Variants in SAMSN1 observed in about 807,000 individuals in gnomAD.
SAMSN1 encodes SAM domain, SH3 domain and nuclear localization signals 1.
In SAMSN1, 31 loss-of-function variants were observed where a neutral mutation model predicts 42.0. The ratio of observed to expected loss-of-function variants is 0.74; its 90% CI spans 0.55 to 1.00. The LOEUF is 1.00. Ranked by LOEUF, SAMSN1 falls within the 50% of genes least tolerant of loss-of-function variation. The pLI, the probability that SAMSN1 is intolerant of heterozygous loss-of-function variation, is 0.00. For missense variants in SAMSN1, 464 were observed against 439.4 expected, an observed-to-expected ratio of 1.06 and a Z score of -0.50; for synonymous variants, 178 against 151.9, an observed-to-expected ratio of 1.17 and a Z score of -1.26.
At chr21:14,518,642 C>G (rs556028245) in intron 2 of SAMSN1, among the ~76,000 whole-genome samples, 1 of 152,074 alleles carries the variant, frequency 6.6e-6, no homozygotes, top group African/African-American at 2.4e-5. Context: ...AAAAGTTTAA[C>G]CACATAGTTA....
intron 1 of SAMSN1, among the ~76,000 whole-genome samples, chr21:14,536,798 A>G (rs1346379680): frequency 6.6e-6 from 1 of 152,222 alleles, no homozygotes; most frequent in Admixed American, 6.5e-5. Flanking sequence ...ACCAACTGGA[A>G]GCAAGAATGG....
intron 7 of SAMSN1, chr21:14,495,681 G>A (rs1320279659): frequency 6.6e-6 from 1 of 152,052 alleles, no homozygotes; most frequent in African/African-American, 2.4e-5. Flanking sequence ...ATAATTTCTG[G>A]GACATGTCCT....
chr21:14,606,091 C>T (rs1395551989), intron 5 of SAMSN1, among the ~76,000 whole-genome samples: 1 of 152,100 alleles, frequency 6.6e-6, no homozygotes, highest in Non-Finnish European at 1.5e-5. Context: ...CCGCCCGCCT[C>T]GGCTGCCCAA....
chr21:14,552,929 G>A (rs1031095224), intron 2 of SAMSN1, among the ~76,000 whole-genome samples: 5 of 151,444 alleles, frequency 3.3e-5, no homozygotes, highest in Non-Finnish European at 5.9e-5. Context: ...GTCATTTAAA[G>A]TTTTGCAAAT....
chr21:14,550,512 C>T (rs77386852), upstream of SAMSN1, among the ~76,000 whole-genome samples: 759 of 152,166 alleles, frequency 5.0e-3, 3 homozygotes, highest in African/African-American at 0.017. Context: ...TCCAACAAGA[C>T]GTGAAATCAA....
At chr21:14,597,795 G>T (rs1982315092) in intron 6 of SAMSN1, 1 of 152,128 alleles carries the variant, frequency 6.6e-6, no homozygotes, top group African/African-American at 2.4e-5. Context: ...TCCTTCATGT[G>T]TGCCTTTGCC....
intron 2 of SAMSN1, among the ~76,000 whole-genome samples, chr21:14,623,604 A>G (rs1301749521): frequency 6.6e-5 from 10 of 152,232 alleles, no homozygotes; most frequent in Non-Finnish European, 2.9e-5. Flanking sequence ...GACCCAAAAC[A>G]GAAGCACCCA....
intron 2 of SAMSN1, among the ~76,000 whole-genome samples, chr21:14,561,438 G>A (rs1421113353): frequency 1.3e-5 from 2 of 152,152 alleles, no homozygotes; most frequent in African/African-American, 4.8e-5. Context: ...TGTTTGCGTA[G>A]TTGGCAGGAA....
chr21:14,515,909 C>T (rs1987892206), intron 3 of SAMSN1, among the ~76,000 whole-genome samples: 1 of 152,144 alleles, frequency 6.6e-6, no homozygotes, highest in Non-Finnish European at 1.5e-5. Flanking sequence ...CATTATTAGT[C>T]ATCAGGGAAA....
At chr21:14,501,306 T>C (rs1456541467) in intron 5 of SAMSN1, among the ~76,000 whole-genome samples, 1 of 152,224 alleles carries the variant, frequency 6.6e-6, no homozygotes, top group Non-Finnish European at 1.5e-5. Context: ...AAAACACTTT[T>C]GCCTACTCTA....
chr21:14,577,259 TATATATATATATATATATATATA>T (rs1226624258), intron 2 of SAMSN1, among the ~76,000 whole-genome samples: 2,200 of 46,602 alleles, frequency 0.047, 241 homozygotes, highest in African/African-American at 0.11. Flanking sequence ...TATATATATA[TATATATATATATATATATATATA>T]TATTTTTTTT....
intron 1 of SAMSN1, among the ~76,000 whole-genome samples, chr21:14,653,196 C>A (rs1371537778): frequency 1.3e-5 from 2 of 151,544 alleles, no homozygotes; most frequent in Admixed American, 1.3e-4. Context: ...TATATACTTC[C>A]CAATTTGTTG....
rs542340806 is a variant in SAMSN1 at position 14,620,219 on chromosome 21, C to G, written c.157-4203G>C. On this transcript the variant is annotated intron_variant, in intron 2 of 15. Transcript: ENST00000647101. Reference sequence around the variant, plus strand: ...ATATGGTTAGGCTTTGTGTCCCCACCCAAATCTCATCTTGAATTGTAATCC... The same window carrying G: ...ATATGGTTAGGCTTTGTGTCCCCACGCAAATCTCATCTTGAATTGTAATCC... 2.0e-5 allele frequency among the ~76,000 whole-genome samples: 3 copies of G among 152,230 alleles called. No individual in the cohort carries two copies. In the South Asian group the frequency reaches 6.2e-4, roughly 32 times the overall value.
intron 3 of SAMSN1, among the ~76,000 whole-genome samples, chr21:14,515,004 G>A (rs1987842904): frequency 6.6e-6 from 1 of 152,010 alleles, no homozygotes; most frequent in Non-Finnish European, 1.5e-5. Flanking sequence ...CAAGGGATGA[G>A]AAAGAAAGCA....
At chr21:14,520,877 C>T (rs1978416204) in intron 2 of SAMSN1, among the ~76,000 whole-genome samples, 1 of 146,692 alleles carries the variant, frequency 6.8e-6, no homozygotes, top group Non-Finnish European at 1.5e-5. Context: ...GAGAGTTCCT[C>T]TTTTTTTTTT....
upstream of SAMSN1, among the ~76,000 whole-genome samples, chr21:14,547,635 C>G (rs1980458383): frequency 6.6e-6 from 1 of 152,078 alleles, no homozygotes; most frequent in South Asian, 2.1e-4. Context: ...TTCCACGTGA[C>G]AAATCAACTG....
intron 1 of SAMSN1, among the ~76,000 whole-genome samples, chr21:14,528,059 G>A (rs1978994178): frequency 6.6e-6 from 1 of 151,878 alleles, no homozygotes; most frequent in African/African-American, 2.4e-5. Flanking sequence ...TGCTTTTTCA[G>A]GTAGAAAGCA....
Position 14,485,753 on chromosome 21 carries a change from A to T in SAMSN1, c.*159T>A. 1 of 561,748 alleles carries T rather than the reference A, an allele frequency of 1.8e-6. No homozygotes were observed. Among genetic ancestry groups the T allele is most frequent in the Non-Finnish European group, 3.1e-6 (1 of 319,196 alleles). 34.8% of individuals were successfully genotyped at this position (561,748 alleles called of 1,614,324 possible). ...TTTATTGACAGTAATTTGGAATGTT[A>T]GAGATACAAAATTTTATGTACAATT... On this transcript the variant is annotated 3_prime_UTR_variant, in exon 8 of 8. Coordinates refer to ENST00000400566, the MANE Select transcript of SAMSN1 (RefSeq NM_022136.5).
chr21:14,606,949 A>G (rs1227195571), intron 5 of SAMSN1, among the ~76,000 whole-genome samples: 1 of 152,210 alleles, frequency 6.6e-6, no homozygotes. Flanking sequence ...AATACTCTTT[A>G]GGGCTGAAAT....
Sources: allele counts gnomAD v4.1 joint callset (sites outside exome capture counted in the v4.1 genomes callset), GRCh38; gene constraint gnomAD v4.1.1; transcripts MANE v1.5; gene names NCBI Gene and HGNC (gene_info 2026-07-23, HGNC 2026-07-21).